The following SGO2 variants were observed in gnomAD, a reference collection of about 807,000 sequenced individuals.
SGO2 encodes the protein shugoshin 2.
Under a neutral mutation model 99.5 loss-of-function variants are expected in SGO2, and 68 were observed. That is an observed-to-expected ratio of 0.68 (90% CI 0.56 to 0.84). The LOEUF is 0.84. Among genes scored for constraint, SGO2 ranks in the 40% least tolerant of loss-of-function variants. The pLI, the probability that SGO2 is intolerant of heterozygous loss-of-function variation, is 0.00. For missense variants in SGO2, 1,350 were observed against 1,436.7 expected (o/e 0.94, Z 0.97); for synonymous variants, 457 against 487.1 (o/e 0.94, Z 0.81).
chr2:200,551,746 A>G (rs182292971), intron 5 of SGO2, among the ~76,000 whole-genome samples: 4 of 152,028 alleles, frequency 2.6e-5, no homozygotes, highest in Admixed American at 6.6e-5. Flanking sequence ...TATTGAAGCA[A>G]TCATCCTTTT....
chr2:200,535,693 G>T (rs72926060), intron 3 of SGO2, among the ~76,000 whole-genome samples: 16,734 of 152,004 alleles, frequency 0.11, 1,103 homozygotes, highest in Non-Finnish European at 0.15. Flanking sequence ...TTTTATAATG[G>T]AAAAAGGACC....
At chr2:200,540,872 T>A (rs1424541667) in intron 4 of SGO2, among the ~76,000 whole-genome samples, 1 of 152,198 alleles carries the variant, frequency 6.6e-6, no homozygotes, top group East Asian at 1.9e-4. Flanking sequence ...TACAGGGTAA[T>A]TTATTGTTTT....
chr2:200,550,130 G>A lies in SGO2; in HGVS notation c.473+7466G>A, dbSNP rs548711582. 7.6e-4 allele frequency among the ~76,000 whole-genome samples: 116 copies of A among 152,066 alleles called. 1 individual carries two copies. The highest frequency in any genetic ancestry group is 2.6e-3 in the African/African-American group (106 of 41,486). ...CGCTACAAAAAATATGAAATACCTA[G>A]GAATCAATCTAACCAAAAGAGGTGA... On this transcript the variant is annotated intron_variant, in intron 5 of 8. Coordinates refer to ENST00000357799, the MANE Select transcript of SGO2 (RefSeq NM_152524.6).
intron 1 of SGO2, among the ~76,000 whole-genome samples, chr2:200,528,448 A>G (rs1465477867): frequency 6.6e-6 from 1 of 152,202 alleles, no homozygotes. Context: ...CATAGAATAG[A>G]TGTGGGATAT....
At chr2:200,537,897 C>G (rs1451689614) in intron 4 of SGO2, among the ~76,000 whole-genome samples, 1 of 152,148 alleles carries the variant, frequency 6.6e-6, no homozygotes, top group Non-Finnish European at 1.5e-5. Flanking sequence ...GTAATCACAA[C>G]TCTCTTTTCC....
At chr2:200,547,706 G>A (rs1208111501) in intron 5 of SGO2, among the ~76,000 whole-genome samples, 2 of 152,142 alleles carry the variant, frequency 1.3e-5, no homozygotes, top group East Asian at 1.9e-4. Flanking sequence ...AAAAGCCATA[G>A]AGTAGCTGAA....
At position 200,567,028 on chromosome 2, in the gene SGO2, G is replaced by A. The variant is rs373142887; in HGVS notation, c.474-2635G>A. Among the ~76,000 whole-genome samples the A allele has an allele frequency of 1.5e-3, 230 of 152,266 alleles. 1 individual carries two copies. The highest frequency in any genetic ancestry group is 5.2e-3 in the African/African-American group (216 of 41,534). On this transcript the variant is annotated intron_variant, in intron 5 of 8. Transcript: ENST00000357799. ...ACCCCTTGCACTTCCCAGGTGAGGC[G>A]ATGCCTTGCAGTGCTTCAGTTCACA... is the stretch of plus-strand genomic sequence containing the variant.
chr2:200,561,121 T>C (rs2032939540), intron 5 of SGO2, among the ~76,000 whole-genome samples: 1 of 152,232 alleles, frequency 6.6e-6, no homozygotes, highest in South Asian at 2.1e-4. Context: ...TGTATACATC[T>C]GCCATGTTGG....
intron 7 of SGO2, among the ~76,000 whole-genome samples, chr2:200,574,489 A>C (rs749249270): frequency 1.3e-5 from 2 of 152,076 alleles, no homozygotes; most frequent in Non-Finnish European, 2.9e-5. Context: ...CATCATGGTG[A>C]AATGGAATAA....
In SGO2 at chr2:200,571,165, G is replaced by C. The variant is rs539097052; in HGVS notation, c.819G>C (p.Arg273Ser). 9 of 1,613,702 alleles carry C rather than the reference G, an allele frequency of 5.6e-6. No individual in the cohort carries two copies. The African/African-American group carries it at 1.2e-4, about 22-fold the overall frequency. ...CATCTCCTAGTAATGTGACTGAAAGGAAGAAGCGTGGGTCATCTTGGGAAT... is the reference window on the plus strand; with the variant it reads ...CATCTCCTAGTAATGTGACTGAAAGCAAGAAGCGTGGGTCATCTTGGGAAT... ...EKPSPSNVTE[R>S]KKRGSSWESN... Residue 273 changes from arginine (R) to serine (S), a missense_variant, in exon 7 of 9, where the codon AGG (arginine) becomes AGC (serine). Transcript: ENST00000357799.
At chr2:200,531,292 G>C (rs1035002284) in intron 1 of SGO2, among the ~76,000 whole-genome samples, 1 of 152,206 alleles carries the variant, frequency 6.6e-6, no homozygotes, top group African/African-American at 2.4e-5. Context: ...AACAATGAGT[G>C]AGGATATGAA....
rs1255964834 is a variant in SGO2 at position 200,570,566 on chromosome 2, T to A, written c.704-484T>A. The stretch of plus-strand genomic sequence containing the variant: ...ACACACATATATACACACATATATA[T>A]GGTATACATATAATGTATACAGTAT... On this transcript the variant is annotated intron_variant, in intron 6 of 8. Coordinates refer to ENST00000357799, the MANE Select transcript of SGO2 (RefSeq NM_152524.6). This position sits in a 1 kb window ranked among gnomAD's most constrained non-coding sequence, Gnocchi z 4.4. Among the ~76,000 whole-genome samples the A allele has an allele frequency of 2.0e-5, 3 of 151,220 alleles. No individual in the cohort carries two copies. In the East Asian group the frequency reaches 5.8e-4, roughly 29 times the overall value.
intron 8 of SGO2, among the ~76,000 whole-genome samples, chr2:200,575,919 C>T (rs989339229): frequency 6.6e-6 from 1 of 152,156 alleles, no homozygotes; most frequent in Non-Finnish European, 1.5e-5. Context: ...TAGTGCCCTC[C>T]TCCAATTTAT....
intron 5 of SGO2, among the ~76,000 whole-genome samples, chr2:200,549,862 T>C (rs1440201580): frequency 6.6e-6 from 1 of 152,162 alleles, no homozygotes; most frequent in Non-Finnish European, 1.5e-5. Flanking sequence ...ATACTTGAAG[T>C]ACTGGCCAGA....
At chr2:200,556,375 G>A (rs547409339) in intron 5 of SGO2, among the ~76,000 whole-genome samples, 37 of 152,168 alleles carry the variant, frequency 2.4e-4, no homozygotes, top group Non-Finnish European at 4.3e-4. Flanking sequence ...AATATTTCTC[G>A]CTTTTGAATT....
At chr2:200,557,966 C>T (rs890231270) in intron 5 of SGO2, among the ~76,000 whole-genome samples, 4 of 150,954 alleles carry the variant, frequency 2.6e-5, no homozygotes, top group Non-Finnish European at 1.5e-5. Flanking sequence ...TGGGTTCAAG[C>T]GATTCTCCTG....
chr2:200,573,591 G>C lies in SGO2; in HGVS notation c.3245G>C (p.Arg1082Thr), dbSNP rs1357317806. The stretch of plus-strand genomic sequence containing the variant: ...AAAATGACATCTAAGTCAAAGAAAA[G>C]GAAGACCTCCATAGATCCTTCTCCA... ...VNKMTSKSKK[R>T]KTSIDPSPES... Residue 1082 changes from arginine (R) to threonine (T), a missense_variant, in exon 7 of 9, where the codon AGG (arginine) becomes ACG (threonine). Physicochemically the swap from Arg to Thr is moderately conservative, Grantham distance 71. Transcript: ENST00000357799. 6.2e-7 allele frequency: 1 copy of C among 1,605,670 alleles called. No homozygotes were observed. Among genetic ancestry groups the C allele is most frequent in the South Asian group, 1.1e-5 (1 of 88,754 alleles).
At chr2:200,563,371 CAT>C (rs1559211446) in intron 5 of SGO2, among the ~76,000 whole-genome samples, 1 of 152,114 alleles carries the variant, frequency 6.6e-6, no homozygotes, top group Non-Finnish European at 1.5e-5. Flanking sequence ...TATTGATTTG[CAT>C]ATGTTGAACC....
Position 200,570,270 on chromosome 2 carries a change from A to G in SGO2, c.703+378A>G, listed in dbSNP as rs1017011327. 1.9e-5 allele frequency: 4 copies of G among 208,640 alleles called. No individual in the cohort carries two copies. The highest frequency in any genetic ancestry group is 2.8e-5 in the Non-Finnish European group (3 of 105,990). The allele number at this position is 208,640 out of a possible 1,614,324, so 12.9% of individuals were successfully genotyped here. ...TAGAGACTCTTTGAAGATCATCACC[A>G]GTTAATTAATGGTAAAGCAAAAACT... On this transcript the variant is annotated intron_variant, in intron 6 of 8. Coordinates refer to ENST00000357799, the MANE Select transcript of SGO2 (RefSeq NM_152524.6). The surrounding 1 kb of genome is among the most constrained non-coding windows in gnomAD (Gnocchi z 4.4).
Sources: gnomAD v4.1 joint callset for allele counts (sites outside exome capture counted in the v4.1 genomes callset) on GRCh38, gnomAD v4.1.1 for gene constraint, Gnocchi (gnomAD v3.1) non-coding constraint, MANE v1.5 for transcripts, NCBI Gene and HGNC (gene_info 2026-07-23, HGNC 2026-07-21) for gene names.